The following ENTREP1 variants were observed in gnomAD, a reference collection of about 807,000 sequenced individuals.
ENTREP1 encodes the protein Friedreich ataxia region gene X123.
At chr9:69,375,660 A>T in the ENTREP1 span, 13 of 1,167,230 alleles carry the variant, frequency 1.1e-5, no homozygotes, top group Non-Finnish European at 1.1e-5. Context: ...ATTCTACAGG[A>T]TTGGTGCTCC....
chr9:69,366,277 T>C, the ENTREP1 span, among the ~76,000 whole-genome samples: 1 of 152,338 alleles, frequency 6.6e-6, no homozygotes, highest in South Asian at 2.1e-4. Context: ...TGATGATTAG[T>C]GATGTTGTGC....
chr9:69,388,465 A>T, the ENTREP1 span: 1 of 1,560,012 alleles, frequency 6.4e-7, no homozygotes, highest in Non-Finnish European at 8.7e-7. Context: ...TTTTATTATT[A>T]ATCTCAGGCA....
At chr9:69,377,037 A>G in the ENTREP1 span, among the ~76,000 whole-genome samples, 1 of 152,102 alleles carries the variant, frequency 6.6e-6, no homozygotes, top group African/African-American at 2.4e-5. Context: ...CTCAGAAGAG[A>G]AGCTCACTGC....
chr9:69,351,103 C>T, the ENTREP1 span, among the ~76,000 whole-genome samples: 1 of 152,174 alleles, frequency 6.6e-6, no homozygotes, highest in Non-Finnish European at 1.5e-5. Flanking sequence ...ACTGTAACTT[C>T]TGAAGTTCCA....
At chr9:69,340,620 TGTGC>T in the ENTREP1 span, among the ~76,000 whole-genome samples, 1 of 73,724 alleles carries the variant, frequency 1.4e-5, no homozygotes, top group African/African-American at 5.9e-5. Flanking sequence ...TGCATGTGTG[TGTGC>T]ATGTGTGTGT....
At chr9:69,352,514 T>C in the ENTREP1 span, among the ~76,000 whole-genome samples, 1 of 152,320 alleles carries the variant, frequency 6.6e-6, no homozygotes, top group East Asian at 1.9e-4. Context: ...ATATTTGCAA[T>C]AATAACATAA....
chr9:69,338,692 T>G, the ENTREP1 span, among the ~76,000 whole-genome samples: 3 of 152,206 alleles, frequency 2.0e-5, no homozygotes, highest in Admixed American at 2.0e-4. Flanking sequence ...GTACTGCTTT[T>G]TCTGTTTAAT....
the ENTREP1 span, chr9:69,325,428 C>A: frequency 9.2e-6 from 9 of 976,364 alleles, no homozygotes; most frequent in Admixed American, 6.2e-5. Context: ...CCGCTGCCCC[C>A]GCTGCGGCCG....
chr9:69,375,437 C>G, the ENTREP1 span, among the ~76,000 whole-genome samples: 1 of 152,182 alleles, frequency 6.6e-6, no homozygotes, highest in Non-Finnish European at 1.5e-5. Context: ...GATACTTCAT[C>G]TCATTTAGCT....
At chr9:69,389,341 A>G in the ENTREP1 span, among the ~76,000 whole-genome samples, 3 of 152,170 alleles carry the variant, frequency 2.0e-5, no homozygotes, top group Non-Finnish European at 4.4e-5. Context: ...TAAATTTTCA[A>G]TTCAAATTGA....
the ENTREP1 span, among the ~76,000 whole-genome samples, chr9:69,369,932 G>C: frequency 6.6e-6 from 1 of 152,084 alleles, no homozygotes; most frequent in South Asian, 2.1e-4. Context: ...GGAGTTACTT[G>C]TATATTCTGG....
the ENTREP1 span, among the ~76,000 whole-genome samples, chr9:69,376,765 A>G: frequency 1.8e-4 from 28 of 152,300 alleles, no homozygotes; most frequent in Admixed American, 1.8e-3. Context: ...GCTTGGGGAA[A>G]GCCCCACTCA....
chr9:69,340,641 ATGTGTGTGTGCATG>A, the ENTREP1 span, among the ~76,000 whole-genome samples: 12 of 44,268 alleles, frequency 2.7e-4, no homozygotes, highest in Non-Finnish European at 5.4e-4. Flanking sequence ...GTGTGCGTGC[ATGTGTGTGTGCATG>A]TGTGTGTGTG....
the ENTREP1 span, among the ~76,000 whole-genome samples, chr9:69,342,169 A>G: frequency 1.3e-5 from 2 of 152,306 alleles, no homozygotes; most frequent in South Asian, 2.1e-4. Flanking sequence ...TTAGTAATAC[A>G]TTCTTGCATG....
the ENTREP1 span, among the ~76,000 whole-genome samples, chr9:69,349,994 C>T: frequency 8.5e-5 from 13 of 152,220 alleles, no homozygotes; most frequent in East Asian, 7.7e-4. Context: ...TGGGGACTGT[C>T]GTATATGATT....
chr9:69,359,365 A>G, the ENTREP1 span, among the ~76,000 whole-genome samples: 29 of 152,082 alleles, frequency 1.9e-4, no homozygotes, highest in African/African-American at 6.0e-4. Flanking sequence ...TCCCCACCCA[A>G]ATTTCATCTT....
chr9:69,387,941 A>G, the ENTREP1 span: 63 of 1,509,962 alleles, frequency 4.2e-5, no homozygotes, highest in Non-Finnish European at 5.4e-5. Flanking sequence ...ACATGACACA[A>G]TGACGTGTTT....
the ENTREP1 span, among the ~76,000 whole-genome samples, chr9:69,362,201 T>C: frequency 6.6e-6 from 1 of 152,116 alleles, no homozygotes; most frequent in African/African-American, 2.4e-5. Context: ...CCTTAGGCAG[T>C]AGGGAAAGGT....
At chr9:69,391,391 C>T in the ENTREP1 span, among the ~76,000 whole-genome samples, 1 of 152,216 alleles carries the variant, frequency 6.6e-6, no homozygotes, top group East Asian at 1.9e-4. Context: ...GTGTGGTTTA[C>T]GGGTCTACAG....
Sources: gnomAD v4.1 joint callset for allele counts (sites outside exome capture counted in the v4.1 genomes callset) on GRCh38, gnomAD v4.1.1 for gene constraint, MANE v1.5 for transcripts, NCBI Gene and HGNC (gene_info 2026-07-23, HGNC 2026-07-21) for gene names.